Variants in ADAMTS2 observed in about 807,000 individuals in gnomAD.
ADAMTS2 encodes A disintegrin and metalloproteinase with thrombospondin motifs 2.
Under a neutral mutation model 123.0 loss-of-function variants are expected in ADAMTS2, and 50 were observed. The ratio of observed to expected loss-of-function variants is 0.41; its 90% CI spans 0.32 to 0.51. ADAMTS2 has a LOEUF of 0.51. Among genes scored for constraint, ADAMTS2 ranks in the 20% least tolerant of loss-of-function variants. The probability of loss-of-function intolerance (pLI) is 0.35; values close to 1 mark genes in which losing one functional copy is unlikely to be tolerated. For missense variants in ADAMTS2, 1,494 were observed against 1,705.2 expected (o/e 0.88, Z 2.18); for synonymous variants, 678 against 695.4 (o/e 0.98, Z 0.39).
intron 2 of ADAMTS2, among the ~76,000 whole-genome samples, chr5:179,334,551 C>T (rs969938561): frequency 3.9e-5 from 6 of 152,184 alleles, no homozygotes; most frequent in African/African-American, 7.2e-5. Context: ...ATACCGGGGG[C>T]GTTGCCGTTA....
chr5:179,125,281 G>A (rs1762834320), intron 18 of ADAMTS2, 101 bp from the exon 19 acceptor site: 1 of 1,044,126 alleles, frequency 9.6e-7, no homozygotes, highest in East Asian at 2.4e-5. Flanking sequence ...TAGACAGCGA[G>A]CACAGAGGGC....
intron 2 of ADAMTS2, among the ~76,000 whole-genome samples, chr5:179,310,008 G>C (rs1029197624): frequency 1.3e-5 from 2 of 152,174 alleles, no homozygotes; most frequent in Non-Finnish European, 2.9e-5. Flanking sequence ...GGCCTTGGGA[G>C]TAGCCTGCGG....
rs374595891 is a variant in ADAMTS2 at position 179,125,199 on chromosome 5, G to A, written c.2751-19C>T. 64 of 1,609,250 alleles carry A rather than the reference G, an allele frequency of 4.0e-5. No individual in the cohort carries two copies. Among genetic ancestry groups the A allele is most frequent in the Non-Finnish European group, 5.3e-5 (62 of 1,178,432 alleles). On this transcript the variant is annotated intron_variant, in intron 18 of 21. Transcript: ENST00000251582. ...GACCCACCTGCCAGGGCAGAGCGGG[G>A]CACAGTCAGGCTTCCGCAGCACCTG...
At chr5:179,293,658 G>A (rs1756250873) in intron 2 of ADAMTS2, among the ~76,000 whole-genome samples, 1 of 152,140 alleles carries the variant, frequency 6.6e-6, no homozygotes, top group African/African-American at 2.4e-5. Flanking sequence ...CTGTCGCCTA[G>A]GCTGGAGTGC....
chr5:179,126,172 C>A, intron 17 of ADAMTS2, 42 bp from the exon 18 acceptor site: 1 of 1,612,042 alleles, frequency 6.2e-7, no homozygotes, highest in Non-Finnish European at 8.5e-7. Flanking sequence ...GGGCAGCATG[C>A]CCTGCCCGAG....
At chr5:179,198,537 T>C (rs1451901417) in intron 4 of ADAMTS2, among the ~76,000 whole-genome samples, 1 of 152,110 alleles carries the variant, frequency 6.6e-6, no homozygotes, top group African/African-American at 2.4e-5. Flanking sequence ...CTGCGTGTGC[T>C]CAAACTCCAG....
chr5:179,138,238 T>C (rs2113219586), intron 11 of ADAMTS2, among the ~76,000 whole-genome samples: 1 of 152,266 alleles, frequency 6.6e-6, no homozygotes, highest in South Asian at 2.1e-4. Context: ...TGCCACCTCC[T>C]CCCCAGCACT....
chr5:179,145,421 T>C (rs1425895100), intron 10 of ADAMTS2, among the ~76,000 whole-genome samples: 4 of 152,190 alleles, frequency 2.6e-5, no homozygotes, highest in Non-Finnish European at 5.9e-5. Context: ...TGTACACGAA[T>C]GTTTGTGCGG....
chr5:179,156,001 AT>A (rs1468067227), intron 6 of ADAMTS2, among the ~76,000 whole-genome samples: 1 of 152,064 alleles, frequency 6.6e-6, no homozygotes, highest in African/African-American at 2.4e-5. Context: ...GAAAATCTGC[AT>A]TTTTTGCTCT....
intron 2 of ADAMTS2, among the ~76,000 whole-genome samples, chr5:179,328,415 A>C (rs1757369742): frequency 6.6e-6 from 1 of 152,222 alleles, no homozygotes; most frequent in Non-Finnish European, 1.5e-5. Context: ...TGCTTTGCTA[A>C]GACATGGGAA....
At chr5:179,316,075 GAGAA>G (rs1756981130) in intron 2 of ADAMTS2, among the ~76,000 whole-genome samples, 1 of 152,162 alleles carries the variant, frequency 6.6e-6, no homozygotes, top group Non-Finnish European at 1.5e-5. Context: ...CAAAGACAAA[GAGAA>G]AGTTCAAAAG....
chr5:179,274,891 C>A (rs770383705), intron 2 of ADAMTS2, among the ~76,000 whole-genome samples: 10 of 152,216 alleles, frequency 6.6e-5, no homozygotes, highest in African/African-American at 9.6e-5. Context: ...AGGATGCCTC[C>A]GGCAGGAGGT....
intron 2 of ADAMTS2, among the ~76,000 whole-genome samples, chr5:179,326,800 C>T (rs1266049656): frequency 6.6e-6 from 1 of 152,040 alleles, no homozygotes; most frequent in Non-Finnish European, 1.5e-5. Flanking sequence ...GGAGCGAGAT[C>T]GCGTCTGACT....
At chr5:179,259,915 GA>G (rs916871768) in intron 3 of ADAMTS2, among the ~76,000 whole-genome samples, 11 of 152,196 alleles carry the variant, frequency 7.2e-5, no homozygotes, top group African/African-American at 2.7e-4. Context: ...AAAGAGTGAT[GA>G]ACAGCACTGG....
chr5:179,304,518 C>T (rs1756620108), intron 2 of ADAMTS2, among the ~76,000 whole-genome samples: 1 of 152,116 alleles, frequency 6.6e-6, no homozygotes, highest in Non-Finnish European at 1.5e-5. Flanking sequence ...TTAAAAAGGA[C>T]CAAACGGAAA....
chr5:179,302,517 T>G lies in ADAMTS2; in HGVS notation c.535-29453A>C, dbSNP rs867196689. Among the ~76,000 whole-genome samples, 135 of 151,758 alleles carry G rather than the reference T, an allele frequency of 8.9e-4. 1 individual carries two copies. The highest frequency in any genetic ancestry group is 2.5e-3 in the African/African-American group (105 of 41,342). ...TGGACCAGGAAGGAGCCCTGAGGAC[T>G]TGTGGCCCAGTGGGTCCGGCTTCCC... On this transcript the variant is annotated intron_variant, in intron 2 of 21. Coordinates refer to ENST00000251582, the MANE Select transcript of ADAMTS2 (RefSeq NM_014244.5).
rs1270233621 is a variant in ADAMTS2 at position 179,314,300 on chromosome 5, TGGCTG to T, written c.534+29462_534+29466del. Among the ~76,000 whole-genome samples the T allele has an allele frequency of 6.6e-6, 1 of 152,192 alleles. No homozygotes were observed. On this transcript the variant is annotated intron_variant, in intron 2 of 21. Coordinates refer to ENST00000251582, the MANE Select transcript of ADAMTS2 (RefSeq NM_014244.5). This position sits in a 1 kb window ranked among gnomAD's most constrained non-coding sequence, Gnocchi z 4.5. ...CACCTCTCGCCAGCCATCTGGGGCT[TGGCTG>T]GGCCTCAGCCTCCTGGCTGCCACGT...
Position 179,317,863 on chromosome 5 carries a change from G to GAGGC in ADAMTS2, c.534+25900_534+25903dup, listed in dbSNP as rs1254052475. ...TGGGGCTGGTCCACAGTGAGGGAGG[G>GAGGC]AGGCAGGTGTAGACTGGGCCAGGGA... is the stretch of plus-strand genomic sequence containing the variant. On this transcript the variant is annotated intron_variant, in intron 2 of 21. Transcript: ENST00000251582. This position sits in a 1 kb window ranked among gnomAD's most constrained non-coding sequence, Gnocchi z 4.9. Among the ~76,000 whole-genome samples the GAGGC allele has an allele frequency of 6.6e-6, 1 of 152,204 alleles. No homozygotes were observed. The highest frequency in any genetic ancestry group is 1.5e-5 in the Non-Finnish European group (1 of 68,034).
intron 2 of ADAMTS2, among the ~76,000 whole-genome samples, chr5:179,330,029 G>C (rs1581282704): frequency 6.6e-6 from 1 of 151,494 alleles, no homozygotes; most frequent in Non-Finnish European, 1.5e-5. Flanking sequence ...GGGAGGCTGA[G>C]GCAGGAGAAT....
Sources: allele counts gnomAD v4.1 joint callset (sites outside exome capture counted in the v4.1 genomes callset), GRCh38; gene constraint gnomAD v4.1.1; non-coding constraint Gnocchi (gnomAD v3.1); transcripts MANE v1.5; gene names NCBI Gene and HGNC (gene_info 2026-07-23, HGNC 2026-07-21).